Variants in DPYD observed in about 807,000 individuals in gnomAD.
The protein encoded by DPYD is dihydropyrimidine dehydrogenase [NADP(+)].
DPYD carries 109 observed loss-of-function variants against 116.2 expected under a neutral mutation model. That is an observed-to-expected ratio of 0.94 (90% CI 0.80 to 1.10). The LOEUF (loss-of-function observed/expected upper bound fraction) is 1.10, where lower values mean the gene tolerates loss of function less well. Ranked by LOEUF, DPYD falls within the 50% of genes least tolerant of loss-of-function variation. The probability of loss-of-function intolerance (pLI) is 0.00; values close to 1 mark genes in which losing one functional copy is unlikely to be tolerated. For missense variants in DPYD, 1,302 were observed against 1,254.5 expected, an observed-to-expected ratio of 1.04 and a Z score of -0.57; for synonymous variants, 440 against 432.0, an observed-to-expected ratio of 1.02 and a Z score of -0.23.
intron 14 of DPYD, among the ~76,000 whole-genome samples, chr1:97,422,209 T>C (rs1674624861): frequency 6.6e-6 from 1 of 152,166 alleles, no homozygotes; most frequent in African/African-American, 2.4e-5. Context: ...GGTAGCAATA[T>C]TTGAATATGG....
At chr1:97,352,278 T>A (rs191593196) in intron 16 of DPYD, among the ~76,000 whole-genome samples, 1 of 152,158 alleles carries the variant, frequency 6.6e-6, no homozygotes, top group Non-Finnish European at 1.5e-5. Context: ...CTAAGGAATA[T>A]AAAAGATTGA....
intron 18 of DPYD, among the ~76,000 whole-genome samples, chr1:97,282,505 T>C (rs1340822217): frequency 6.6e-6 from 1 of 152,134 alleles, no homozygotes. Flanking sequence ...ATTTTCTAGA[T>C]ACACTAGTTT....
At chr1:97,816,294 A>G (rs1668601436) in intron 3 of DPYD, among the ~76,000 whole-genome samples, 1 of 152,060 alleles carries the variant, frequency 6.6e-6, no homozygotes, top group Non-Finnish European at 1.5e-5. Flanking sequence ...GAGAAAAAAA[A>G]AAGAAAATAC....
chr1:97,629,784 T>C (rs139346006), intron 8 of DPYD, among the ~76,000 whole-genome samples: 50 of 152,168 alleles, frequency 3.3e-4, no homozygotes, highest in African/African-American at 1.2e-3. Flanking sequence ...GAAATTAGGA[T>C]TTAGACAATG....
intron 12 of DPYD, among the ~76,000 whole-genome samples, chr1:97,530,878 A>AT (rs1369733498): frequency 2.0e-5 from 3 of 152,092 alleles, no homozygotes; most frequent in Admixed American, 1.3e-4. Context: ...AGTGATAAGC[A>AT]TTTTTTCATG....
intron 20 of DPYD, among the ~76,000 whole-genome samples, chr1:97,116,389 T>C (rs975972824): frequency 6.6e-6 from 1 of 151,982 alleles, no homozygotes; most frequent in South Asian, 2.1e-4. Context: ...AAATGACAAA[T>C]TGGTCATGCA....
chr1:97,091,706 A>T (rs950355825), intron 21 of DPYD, among the ~76,000 whole-genome samples: 14 of 152,144 alleles, frequency 9.2e-5, no homozygotes, highest in African/African-American at 3.4e-4. Context: ...TAATACTTTC[A>T]CACATATCTT....
intron 2 of DPYD, among the ~76,000 whole-genome samples, chr1:97,860,407 A>G (rs1380481666): frequency 6.6e-6 from 1 of 152,218 alleles, no homozygotes; most frequent in East Asian, 1.9e-4. Flanking sequence ...TATAAAAGAG[A>G]AAAACATAAA....
intron 1 of DPYD, among the ~76,000 whole-genome samples, chr1:97,916,856 T>C (rs563547606): frequency 6.6e-6 from 1 of 152,226 alleles, no homozygotes; most frequent in South Asian, 2.1e-4. Context: ...TTTAAAAAAC[T>C]GCACTGAAAC....
rs564813019 is a variant in DPYD, at chr1:97,499,091, T to C, written c.1740+16635A>G. Among the ~76,000 whole-genome samples the C allele has an allele frequency of 9.2e-5, 14 of 151,722 alleles. No homozygotes were observed. In the East Asian group the frequency reaches 2.7e-3, roughly 29 times the overall value. Reference sequence around the variant, plus strand: ...TTGAGTGGATCAAAATATAGATGGGTTGGAGTTACAGCACTGACCTCTATC... The same window carrying C: ...TTGAGTGGATCAAAATATAGATGGGCTGGAGTTACAGCACTGACCTCTATC... On this transcript the variant is annotated intron_variant, in intron 13 of 22. Transcript: ENST00000370192.
chr1:97,720,598 C>T (rs1557906880), intron 5 of DPYD: 1 of 1,132,906 alleles, frequency 8.8e-7, no homozygotes, highest in East Asian at 5.3e-5. Context: ...TGATTTATTA[C>T]TAAGAGCAAA....
At chr1:97,112,154 A>C (rs1165912264) in intron 20 of DPYD, among the ~76,000 whole-genome samples, 1 of 152,074 alleles carries the variant, frequency 6.6e-6, no homozygotes, top group Non-Finnish European at 1.5e-5. Context: ...ATATTAATGT[A>C]TTTATTTTTT....
chr1:97,208,671 C>T (rs943593973), intron 19 of DPYD, among the ~76,000 whole-genome samples: 3 of 152,072 alleles, frequency 2.0e-5, no homozygotes, highest in African/African-American at 7.2e-5. Flanking sequence ...TTCTTTCATT[C>T]AGCACATGTT....
intron 3 of DPYD, among the ~76,000 whole-genome samples, chr1:97,815,081 GA>G (rs1557982758): frequency 2.1e-5 from 3 of 143,492 alleles, no homozygotes; most frequent in East Asian, 4.6e-4. Context: ...GAAAAGAGAA[GA>G]AAGAAAAGAG....
At chr1:97,702,990 G>C (rs908932060) in intron 5 of DPYD, among the ~76,000 whole-genome samples, 2 of 152,036 alleles carry the variant, frequency 1.3e-5, no homozygotes, top group Non-Finnish European at 2.9e-5. Flanking sequence ...TAGCATATGT[G>C]CACATACTAG....
rs548673806 is a variant in DPYD, at chr1:97,154,941, G to GT, written c.2622+38127dup. ...AAATTAAAAATAAAAACAAAAACAC[G>GT]TGTCTAGGTAGCATACATGATAGGT... is the stretch of plus-strand genomic sequence containing the variant. On this transcript the variant is annotated intron_variant, in intron 20 of 22. Coordinates refer to ENST00000370192, the MANE Select transcript of DPYD (RefSeq NM_000110.4). Among the ~76,000 whole-genome samples, 46 of 152,166 alleles carry GT rather than the reference G, an allele frequency of 3.0e-4. No individual in the cohort carries two copies. In the South Asian group the frequency reaches 9.4e-3, roughly 31 times the overall value.
intron 20 of DPYD, among the ~76,000 whole-genome samples, chr1:97,165,435 A>G (rs1656253458): frequency 6.6e-6 from 1 of 152,192 alleles, no homozygotes; most frequent in Non-Finnish European, 1.5e-5. Flanking sequence ...CTTAAGATGG[A>G]TTGAAGACTT....
intron 20 of DPYD, among the ~76,000 whole-genome samples, chr1:97,099,254 C>T (rs147478463): frequency 8.5e-5 from 13 of 152,086 alleles, no homozygotes; most frequent in African/African-American, 3.1e-4. Flanking sequence ...TTTTATTTTG[C>T]ATGGAGGCAA....
chr1:97,894,265 C>T (rs1672937696), intron 1 of DPYD, among the ~76,000 whole-genome samples: 1 of 151,766 alleles, frequency 6.6e-6, no homozygotes, highest in Admixed American at 6.6e-5. Context: ...GCACTAATCC[C>T]ACTATGAGGG....
Sources: allele counts gnomAD v4.1 joint callset (sites outside exome capture counted in the v4.1 genomes callset), GRCh38; gene constraint gnomAD v4.1.1; transcripts MANE v1.5; gene names NCBI Gene and HGNC (gene_info 2026-07-23, HGNC 2026-07-21).